Variants in CDH12 observed in about 807,000 individuals in gnomAD.
CDH12 encodes the protein cadherin-12.
Under a neutral mutation model 74.1 loss-of-function variants are expected in CDH12, and 41 were observed. The observed-to-expected ratio is 0.55, with a 90% CI of 0.43 to 0.72. CDH12 has a LOEUF of 0.72. Among genes scored for constraint, CDH12 ranks in the 30% least tolerant of loss-of-function variants. CDH12 has a pLI of 0.00. For synonymous variants in CDH12, 399 were observed against 355.0 expected, an observed-to-expected ratio of 1.12 and a Z score of -1.39; for missense variants, 945 against 977.2, an observed-to-expected ratio of 0.97 and a Z score of 0.44.
At chr5:22,092,966 C>T (rs1169181019) in intron 4 of CDH12, among the ~76,000 whole-genome samples, 1 of 152,142 alleles carries the variant, frequency 6.6e-6, no homozygotes, top group Non-Finnish European at 1.5e-5. Flanking sequence ...GCAGTTAACA[C>T]ACAACAAGCT....
chr5:21,875,204 A>G (rs569685954), intron 6 of CDH12, among the ~76,000 whole-genome samples: 3 of 152,332 alleles, frequency 2.0e-5, no homozygotes, highest in East Asian at 1.9e-4. Context: ...GCTATTTTAT[A>G]CTTGAGTTGC....
At chr5:22,348,803 T>A (rs553302408) in intron 3 of CDH12, among the ~76,000 whole-genome samples, 1 of 152,158 alleles carries the variant, frequency 6.6e-6, no homozygotes, top group African/African-American at 2.4e-5. Flanking sequence ...ATTGGTGACA[T>A]AGAATTCAGC....
At chr5:22,645,650 A>G (rs1344484452) in intron 1 of CDH12, among the ~76,000 whole-genome samples, 1 of 152,036 alleles carries the variant, frequency 6.6e-6, no homozygotes, top group Non-Finnish European at 1.5e-5. Flanking sequence ...AATTTCATCA[A>G]ATAGCATCAT....
chr5:22,110,323 T>C (rs1744730928), intron 4 of CDH12, among the ~76,000 whole-genome samples: 1 of 152,180 alleles, frequency 6.6e-6, no homozygotes, highest in Non-Finnish European at 1.5e-5. Flanking sequence ...TTCTTCCTGC[T>C]GGTGAACACA....
At chr5:22,134,850 T>C (rs1217949335) in intron 4 of CDH12, among the ~76,000 whole-genome samples, 1 of 150,864 alleles carries the variant, frequency 6.6e-6, no homozygotes, top group Non-Finnish European at 1.5e-5. Flanking sequence ...TCATTATTAA[T>C]TACAGCAACA....
At chr5:22,260,039 T>C (rs1003972648) in intron 3 of CDH12, among the ~76,000 whole-genome samples, 3 of 152,100 alleles carry the variant, frequency 2.0e-5, no homozygotes, top group Non-Finnish European at 4.4e-5. Flanking sequence ...CCAGAAATGA[T>C]ACTATCAAAT....
At chr5:22,382,774 C>G (rs932713254) in intron 3 of CDH12, among the ~76,000 whole-genome samples, 26 of 152,118 alleles carry the variant, frequency 1.7e-4, no homozygotes, top group Admixed American at 1.4e-3. Flanking sequence ...AGGATTACTT[C>G]TAAGTGTTGA....
chr5:22,644,485 G>A (rs1739330107), intron 1 of CDH12, among the ~76,000 whole-genome samples: 1 of 151,976 alleles, frequency 6.6e-6, no homozygotes, highest in Non-Finnish European at 1.5e-5. Flanking sequence ...TGAAGGTTGA[G>A]AGAAGTGAGA....
At chr5:22,318,692 G>A (rs1738732612) in intron 3 of CDH12, among the ~76,000 whole-genome samples, 1 of 152,178 alleles carries the variant, frequency 6.6e-6, no homozygotes, top group African/African-American at 2.4e-5. Flanking sequence ...TGTGGTGCCA[G>A]CCTTGCAATT....
chr5:22,447,809 T>C (rs905970037), intron 2 of CDH12, among the ~76,000 whole-genome samples: 5 of 151,620 alleles, frequency 3.3e-5, no homozygotes, highest in African/African-American at 1.2e-4. Flanking sequence ...ACAAGTTTAG[T>C]GCAGTTTACA....
chr5:22,443,410 T>A (rs545745056), intron 2 of CDH12, among the ~76,000 whole-genome samples: 16 of 152,250 alleles, frequency 1.1e-4, no homozygotes, highest in Admixed American at 1.0e-3. Flanking sequence ...TATCATGAAA[T>A]TTAAAAGTAG....
At chr5:22,073,742 A>G (rs905212141) in intron 5 of CDH12, among the ~76,000 whole-genome samples, 4 of 152,222 alleles carry the variant, frequency 2.6e-5, no homozygotes, top group African/African-American at 9.6e-5. Flanking sequence ...TCTTGCAAGG[A>G]TATCAGCATG....
chr5:22,432,421 A>T (rs1320885624), intron 2 of CDH12, among the ~76,000 whole-genome samples: 1 of 152,086 alleles, frequency 6.6e-6, no homozygotes, highest in Non-Finnish European at 1.5e-5. Context: ...TATCTATTGA[A>T]CTGTTTTATT....
At chr5:22,344,041 C>A (rs937566521) in intron 3 of CDH12, among the ~76,000 whole-genome samples, 1 of 152,124 alleles carries the variant, frequency 6.6e-6, no homozygotes, top group Non-Finnish European at 1.5e-5. Context: ...TAAGAAACAC[C>A]CTGAAGGGCT....
chr5:22,392,466 C>T lies in CDH12; in HGVS notation c.-333+12791G>A, dbSNP rs534590147. Among the ~76,000 whole-genome samples, 24 of 152,226 alleles carry T rather than the reference C, an allele frequency of 1.6e-4. 1 individual carries two copies. Among genetic ancestry groups the T allele is most frequent in the African/African-American group, 5.8e-4 (24 of 41,552 alleles). On this transcript the variant is annotated intron_variant, in intron 3 of 14. Transcript: ENST00000382254. Reference sequence around the variant, plus strand: ...AATACTCACCCTGCCTCAACGTATTCATCTGTAAAATGAAGATAAGTTTTT... The same window carrying T: ...AATACTCACCCTGCCTCAACGTATTTATCTGTAAAATGAAGATAAGTTTTT...
chr5:22,718,496 G>A (rs1026734743), intron 1 of CDH12, among the ~76,000 whole-genome samples: 1 of 152,192 alleles, frequency 6.6e-6, no homozygotes, highest in Non-Finnish European at 1.5e-5. Context: ...AAAGGTATTA[G>A]AAATATTATC....
chr5:22,343,436 G>T (rs983244864), intron 3 of CDH12, among the ~76,000 whole-genome samples: 3 of 151,948 alleles, frequency 2.0e-5, no homozygotes, highest in Middle Eastern at 3.4e-3. Flanking sequence ...TTTGTTTTTT[G>T]AGACGGAGTC....
chr5:21,751,651 T>TGTGA lies in CDH12; in HGVS notation c.*85_*86insTCAC, dbSNP rs766005547. ...GTGTGTTTGTGTGTGTGTGTGTGTG[T>TGTGA]GAGAGAGATTTCTATTAATATTTGT... On this transcript the variant is annotated 3_prime_UTR_variant, in exon 15 of 15. Coordinates refer to ENST00000382254, the MANE Select transcript of CDH12 (RefSeq NM_004061.5). 64 of 959,090 alleles carry TGTGA rather than the reference T, an allele frequency of 6.7e-5. No individual in the cohort carries two copies. The highest frequency in any genetic ancestry group is 8.5e-5 in the Non-Finnish European group (54 of 633,626). The allele number at this position is 959,090 out of a possible 1,614,324, so 59.4% of individuals were successfully genotyped here. A position where few individuals can be genotyped will look rare whatever the true frequency, so the allele number is the denominator to read the frequency against.
intron 4 of CDH12, among the ~76,000 whole-genome samples, chr5:22,113,691 A>G (rs1266367461): frequency 6.6e-6 from 1 of 152,112 alleles, no homozygotes; most frequent in East Asian, 1.9e-4. Context: ...ATGGTTACTC[A>G]TATTTGGCTC....
Sources: gnomAD v4.1 joint callset for allele counts (sites outside exome capture counted in the v4.1 genomes callset) on GRCh38, gnomAD v4.1.1 for gene constraint, MANE v1.5 for transcripts, NCBI Gene and HGNC (gene_info 2026-07-23, HGNC 2026-07-21) for gene names.